MTDH: variants seen among roughly 807,000 people sequenced by gnomAD.
The protein encoded by MTDH is metadherin, also known as protein LYRIC.
MTDH carries 34 observed loss-of-function variants against 72.7 expected under a neutral mutation model. The ratio of observed to expected loss-of-function variants is 0.47; its 90% CI spans 0.36 to 0.62. MTDH has a LOEUF of 0.62. Among genes scored for constraint, MTDH ranks in the 20% least tolerant of loss-of-function variants. The probability of loss-of-function intolerance (pLI) is 0.00; values close to 1 mark genes in which losing one functional copy is unlikely to be tolerated. For missense variants in MTDH, 677 were observed against 699.4 expected (o/e 0.97, Z 0.36); for synonymous variants, 266 against 268.9 (o/e 0.99, Z 0.10).
chr8:97,724,576 C>T (rs544391839), intron 11 of MTDH, 24 bp from the exon 12 acceptor site: 16 of 1,543,482 alleles, frequency 1.0e-5, no homozygotes, highest in East Asian at 9.1e-5. Context: ...TTTTTTTCTT[C>T]GTTTTCCCCC....
At chr8:97,650,714 T>G (rs1305737292) in intron 1 of MTDH, among the ~76,000 whole-genome samples, 2 of 152,082 alleles carry the variant, frequency 1.3e-5, no homozygotes, top group Admixed American at 1.3e-4. Context: ...AACTATGGAA[T>G]TGCCTTTTAA....
chr8:97,703,840 T>C (rs1222812287), intron 7 of MTDH, among the ~76,000 whole-genome samples: 1 of 152,252 alleles, frequency 6.6e-6, no homozygotes, highest in African/African-American at 2.4e-5. Context: ...TGCATTGCCA[T>C]GAATTGCTTT....
chr8:97,658,833 G>A lies in MTDH; in HGVS notation c.382-2239G>A, dbSNP rs74550779. 4.6e-5 allele frequency among the ~76,000 whole-genome samples: 7 copies of A among 152,172 alleles called. No individual in the cohort carries two copies. The East Asian group carries it at 1.4e-3, about 29-fold the overall frequency. On this transcript the variant is annotated intron_variant, in intron 1 of 11. Transcript: ENST00000336273. ...GAGAAGATAGCATGAACTAAAAGTA[G>A]CATATAAGAATAAGATGATGATATT...
intron 10 of MTDH, 107 bp from the exon 11 acceptor site, chr8:97,722,772 A>G (rs1815179333): frequency 1.8e-6 from 2 of 1,108,608 alleles, no homozygotes; most frequent in South Asian, 1.7e-5. Context: ...TCTGGAAACC[A>G]TATTAGTATT....
chr8:97,711,080 T>G (rs976976097), intron 8 of MTDH, among the ~76,000 whole-genome samples: 1 of 152,104 alleles, frequency 6.6e-6, no homozygotes, highest in African/African-American at 2.4e-5. Flanking sequence ...AACATAACAG[T>G]GCTAACTTGA....
chr8:97,696,426 C>G, intron 6 of MTDH: 1 of 283,416 alleles, frequency 3.5e-6, no homozygotes, highest in Non-Finnish European at 5.3e-6. Context: ...TGGCAGAGGC[C>G]TTTACAACAG....
chr8:97,689,357 T>C (rs1307735449), intron 5 of MTDH, among the ~76,000 whole-genome samples: 1 of 152,180 alleles, frequency 6.6e-6, no homozygotes, highest in Non-Finnish European at 1.5e-5. Context: ...TAGTCGCTTA[T>C]ATTGCAACTT....
intron 8 of MTDH, among the ~76,000 whole-genome samples, chr8:97,708,017 G>A (rs1343591584): frequency 1.3e-5 from 2 of 151,360 alleles, no homozygotes; most frequent in African/African-American, 2.4e-5. Context: ...CACTCAGGCT[G>A]GAGTTCAGTG....
rs146585802 is a variant in MTDH at position 97,702,017 on chromosome 8, T to C, written c.1147+2165T>C. 2.8e-3 allele frequency among the ~76,000 whole-genome samples: 426 copies of C among 152,318 alleles called. 3 individuals carry two copies. The highest frequency in any genetic ancestry group is 9.8e-3 in the African/African-American group (406 of 41,576). On this transcript the variant is annotated intron_variant, in intron 7 of 11. Transcript: ENST00000336273. Reference sequence around the variant, plus strand: ...TCTGTGTCACCATCTTTAATGCAGCTCTATTTTTGGTGCTCAGTGAATTTA... The same window carrying C: ...TCTGTGTCACCATCTTTAATGCAGCCCTATTTTTGGTGCTCAGTGAATTTA...
chr8:97,673,275 C>A (rs1002356809), intron 2 of MTDH, among the ~76,000 whole-genome samples: 2 of 151,500 alleles, frequency 1.3e-5, no homozygotes, highest in Non-Finnish European at 2.9e-5. Context: ...AATCCCAGCA[C>A]TTCAGGAGGC....
At chr8:97,689,782 A>C (rs554407554) in intron 5 of MTDH, among the ~76,000 whole-genome samples, 7 of 145,418 alleles carry the variant, frequency 4.8e-5, no homozygotes, top group African/African-American at 1.8e-4. Context: ...GTTTTGGCTC[A>C]CTGCAACCTC....
chr8:97,646,473 G>C (rs1192259275), intron 1 of MTDH, among the ~76,000 whole-genome samples: 2 of 152,150 alleles, frequency 1.3e-5, no homozygotes, highest in Non-Finnish European at 2.9e-5. Flanking sequence ...AAGGAAAGAA[G>C]GTGATCTTGA....
intron 7 of MTDH, among the ~76,000 whole-genome samples, chr8:97,702,786 C>T (rs556112762): frequency 6.6e-6 from 1 of 152,096 alleles, no homozygotes; most frequent in South Asian, 2.1e-4. Context: ...CAGTATGGCT[C>T]TTTGAAAAGA....
chr8:97,658,242 A>G (rs950249944), intron 1 of MTDH, among the ~76,000 whole-genome samples: 40 of 152,174 alleles, frequency 2.6e-4, no homozygotes, highest in African/African-American at 8.9e-4. Flanking sequence ...AACAGCTGCG[A>G]TTAGAGCTAT....
chr8:97,726,112 A>G lies in MTDH; in HGVS notation c.*1442A>G, dbSNP rs1815341698. On this transcript the variant is annotated 3_prime_UTR_variant, in exon 12 of 12. Coordinates refer to ENST00000336273, the MANE Select transcript of MTDH (RefSeq NM_178812.4). ...TTCAACAGTATTGCGTTGTCAGACT[A>G]GGAAAGCTAAACGAACAAAATGGTT... 1 of 152,682 alleles carries G rather than the reference A, an allele frequency of 6.5e-6. No individual in the cohort carries two copies. Among genetic ancestry groups the G allele is most frequent in the Non-Finnish European group, 1.5e-5 (1 of 68,050 alleles). 9.5% of individuals were successfully genotyped at this position (152,682 alleles called of 1,614,324 possible).
At position 97,683,881 on chromosome 8, in the gene MTDH, G is replaced by A. The variant is rs574345325; in HGVS notation, c.484-2787G>A. On this transcript the variant is annotated intron_variant, in intron 2 of 11. Transcript: ENST00000336273. Reference sequence around the variant, plus strand: ...AATCCCAGCATTTTGGGAGGCCGAGGCGGGTGGATCACCTGAGGTTGGAAG... The same window carrying A: ...AATCCCAGCATTTTGGGAGGCCGAGACGGGTGGATCACCTGAGGTTGGAAG... Among the ~76,000 whole-genome samples, 7 of 152,236 alleles carry A rather than the reference G, an allele frequency of 4.6e-5. No individual in the cohort carries two copies. The South Asian group carries it at 1.4e-3, about 32-fold the overall frequency.
intron 9 of MTDH, among the ~76,000 whole-genome samples, chr8:97,716,434 TA>T (rs1445964054): frequency 6.6e-6 from 1 of 151,850 alleles, no homozygotes; most frequent in Non-Finnish European, 1.5e-5. Flanking sequence ...CTCATGCCTG[TA>T]ATCCCAGCAC....
chr8:97,646,702 T>C (rs2130904016), intron 1 of MTDH, among the ~76,000 whole-genome samples: 1 of 152,314 alleles, frequency 6.6e-6, no homozygotes, highest in Admixed American at 6.5e-5. Context: ...CTCAGTAGAC[T>C]TAAAAGACTT....
intron 9 of MTDH, among the ~76,000 whole-genome samples, chr8:97,717,918 T>C (rs1484761359): frequency 6.6e-6 from 1 of 151,982 alleles, no homozygotes; most frequent in Admixed American, 6.6e-5. Flanking sequence ...ACCAGATAAT[T>C]TTTGTATTTT....
Sources: gnomAD v4.1 joint callset for allele counts (sites outside exome capture counted in the v4.1 genomes callset) on GRCh38, gnomAD v4.1.1 for gene constraint, MANE v1.5 for transcripts, NCBI Gene and HGNC (gene_info 2026-07-23, HGNC 2026-07-21) for gene names.